The following JPH3 variants were observed in gnomAD, a reference collection of about 807,000 sequenced individuals.
The protein encoded by JPH3 is junctophilin-3.
A neutral mutation model predicts 59.6 loss-of-function variants in JPH3; 11 were observed. The observed-to-expected ratio is 0.18, with a 90% CI of 0.12 to 0.31. The LOEUF (loss-of-function observed/expected upper bound fraction) is 0.31. Among genes scored for constraint, JPH3 ranks in the 10% least tolerant of loss-of-function variants. The probability of loss-of-function intolerance (pLI) is 1.00; values close to 1 mark genes in which losing one functional copy is unlikely to be tolerated. For synonymous variants in JPH3, 673 were observed against 483.6 expected (o/e 1.39, Z -5.14); for missense variants, 1,202 against 1,105.7 (o/e 1.09, Z -1.24).
intron 4 of JPH3, chr16:87,695,798 G>A (rs748085304): frequency 3.5e-5 from 16 of 455,960 alleles, no homozygotes; most frequent in Admixed American, 1.4e-4. Flanking sequence ...GGGCGCCCCC[G>A]GAAAAGGCTC....
Position 87,636,115 on chromosome 16 carries a change from C to T in JPH3, c.383-8143C>T, listed in dbSNP as rs1480864073. Among the ~76,000 whole-genome samples the T allele has an allele frequency of 3.3e-5, 5 of 152,216 alleles. 1 individual carries two copies. In the East Asian group the frequency reaches 7.7e-4, roughly 23 times the overall value. ...GGGTCCTGTCTTCATGCACACAAGCCGCCTGTTCTGCAGGTGACCAGTTAG... is the reference window on the plus strand; with the variant it reads ...GGGTCCTGTCTTCATGCACACAAGCTGCCTGTTCTGCAGGTGACCAGTTAG... On this transcript the variant is annotated intron_variant, in intron 1 of 4. Transcript: ENST00000284262.
At chr16:87,648,253 GA>G (rs562324188) in intron 2 of JPH3, among the ~76,000 whole-genome samples, 1 of 151,934 alleles carries the variant, frequency 6.6e-6, no homozygotes, top group Non-Finnish European at 1.5e-5. Context: ...AAAAAAAAAG[GA>G]AAAAAAGGAG....
intron 1 of JPH3, among the ~76,000 whole-genome samples, chr16:87,636,013 C>A (rs1017005340): frequency 6.6e-6 from 1 of 152,214 alleles, no homozygotes; most frequent in Non-Finnish European, 1.5e-5. Context: ...CTCTGGGGGC[C>A]GTGCTGACCG....
At chr16:87,644,178 C>T in intron 1 of JPH3, 80 bp from the exon 2 acceptor site, 1 of 1,413,326 alleles carries the variant, frequency 7.1e-7, no homozygotes, top group Non-Finnish European at 9.6e-7. Context: ...AGGACTGTGG[C>T]TGCTTCAACC....
intron 1 of JPH3, among the ~76,000 whole-genome samples, chr16:87,635,840 G>C (rs796661539): frequency 6.6e-6 from 1 of 152,218 alleles, no homozygotes; most frequent in South Asian, 2.1e-4. Flanking sequence ...CTGCAGCAGA[G>C]CCGGGGGCTC....
rs878872352 is a variant in JPH3 at position 87,644,416 on chromosome 16, G to A, written c.541G>A (p.Ala181Thr). 8.1e-6 allele frequency: 13 copies of A among 1,612,130 alleles called. No homozygotes were observed. The highest frequency in any genetic ancestry group is 2.2e-5 in the East Asian group (1 of 44,856). The change falls in exon 2 of 5, where the codon GCC (alanine) becomes ACC (threonine). Residue 181 changes from alanine (A) to threonine (T), a missense_variant. Ala to Thr is a moderately conservative substitution (Grantham distance 58). Coordinates refer to ENST00000284262, the MANE Select transcript of JPH3 (RefSeq NM_020655.4). ...HTNGTALHPD[A>T]SPAVAGSPAV... ...CAACGGCACGGCGCTGCATCCCGACGCCTCTCCGGCGGTGGCCGGCAGCCC... is the reference window on the plus strand; with the variant it reads ...CAACGGCACGGCGCTGCATCCCGACACCTCTCCGGCGGTGGCCGGCAGCCC...
intron 2 of JPH3, among the ~76,000 whole-genome samples, chr16:87,667,620 G>A (rs959841126): frequency 6.6e-6 from 1 of 152,198 alleles, no homozygotes; most frequent in East Asian, 1.9e-4. Context: ...GTCCTCACCT[G>A]TGACAGCGGG....
intron 2 of JPH3, among the ~76,000 whole-genome samples, chr16:87,683,522 T>C (rs1597288706): frequency 1.3e-5 from 2 of 152,122 alleles, no homozygotes. Context: ...TGCAGGCTGG[T>C]CTTGAACTCC....
intron 2 of JPH3, among the ~76,000 whole-genome samples, chr16:87,677,281 G>A (rs2033176389): frequency 6.6e-6 from 1 of 150,536 alleles, no homozygotes; most frequent in Non-Finnish European, 1.5e-5. Flanking sequence ...CACGTGGGAG[G>A]CTGAGGCAGA....
chr16:87,660,855 A>C (rs974074768), intron 2 of JPH3, among the ~76,000 whole-genome samples: 2 of 152,188 alleles, frequency 1.3e-5, no homozygotes, highest in African/African-American at 4.8e-5. Flanking sequence ...GACACATCCA[A>C]GTGGATCTCT....
intron 2 of JPH3, among the ~76,000 whole-genome samples, chr16:87,663,178 G>A (rs60504449): frequency 0.072 from 10,788 of 150,616 alleles, 1,328 homozygotes; most frequent in African/African-American, 0.25. Flanking sequence ...GCACAATCTC[G>A]GCTCACTGCA....
chr16:87,664,119 C>T (rs1004268922), intron 2 of JPH3, among the ~76,000 whole-genome samples: 4 of 149,186 alleles, frequency 2.7e-5, no homozygotes, highest in African/African-American at 9.9e-5. Flanking sequence ...ATCACGAGGT[C>T]AGCAGATTGA....
chr16:87,606,134 T>A (rs1274411813), intron 1 of JPH3, among the ~76,000 whole-genome samples: 1 of 152,140 alleles, frequency 6.6e-6, no homozygotes, highest in African/African-American at 2.4e-5. Context: ...GGCAGAGACC[T>A]CCATGCCTCC....
In JPH3 at chr16:87,612,432, T is replaced by G. The variant is rs2030764073; in HGVS notation, c.382+8904T>G. 2.6e-5 allele frequency among the ~76,000 whole-genome samples: 4 copies of G among 152,276 alleles called. No individual in the cohort carries two copies. In the South Asian group the frequency reaches 8.3e-4, roughly 32 times the overall value. On this transcript the variant is annotated intron_variant, in intron 1 of 4. Coordinates refer to ENST00000284262, the MANE Select transcript of JPH3 (RefSeq NM_020655.4). ...CAACTTTTTTACAGGATTACAGGTG[T>G]GAGCAACTGCACCTGGCCTGAGATT...
chr16:87,604,026 T>G, intron 1 of JPH3: 1 of 935,230 alleles, frequency 1.1e-6, no homozygotes, highest in Non-Finnish European at 1.3e-6. Context: ...AAGGGAGTGA[T>G]GGGGAGCGCT....
rs1224169941 is a variant in JPH3, at chr16:87,665,777, CCCA to C, written c.1161-18364_1161-18362del. The stretch of plus-strand genomic sequence containing the variant: ...CGTCAGACCCAGCCTCCTTCCCCAG[CCCA>C]TCCCTCTCCCTCTTTGATGAGGCCG... On this transcript the variant is annotated intron_variant, in intron 2 of 4. Coordinates refer to ENST00000284262, the MANE Select transcript of JPH3 (RefSeq NM_020655.4). 8.5e-5 allele frequency among the ~76,000 whole-genome samples: 13 copies of C among 152,356 alleles called. No homozygotes were observed. The East Asian group carries it at 2.3e-3, about 27-fold the overall frequency.
rs1403567656 is a variant in JPH3, at chr16:87,690,083, C to G, written c.1723C>G (p.Arg575Gly). The change falls in exon 4 of 5, where the codon CGG (arginine) becomes GGG (glycine). Residue 575 changes from arginine (R) to glycine (G), a missense_variant. Arg to Gly is a moderately radical substitution (Grantham distance 125). Transcript: ENST00000284262. Reference protein sequence around the residue: ...QPGNPKPRERRTESPPVFTWT... With the variant: ...QPGNPKPRERGTESPPVFTWT... ...CGGGAACCCCAAGCCGCGGGAGCGG[C>G]GGACGGAGTCACCCCCCGTGTTCAC... 1.9e-6 allele frequency: 3 copies of G among 1,574,000 alleles called. No homozygotes were observed. The highest frequency in any genetic ancestry group is 2.3e-5 in the South Asian group (2 of 86,468).
intron 2 of JPH3, among the ~76,000 whole-genome samples, chr16:87,677,586 T>G (rs887695871): frequency 2.0e-5 from 3 of 152,142 alleles, no homozygotes; most frequent in African/African-American, 7.2e-5. Context: ...GCCCAGAGAT[T>G]ATGCAGCCTG....
Position 87,644,161 on chromosome 16 carries a change from C to G in JPH3, c.383-97C>G, listed in dbSNP as rs1230007938. 3.9e-6 allele frequency: 5 copies of G among 1,291,978 alleles called. No individual in the cohort carries two copies. In the East Asian group the frequency reaches 9.3e-5, roughly 24 times the overall value. The allele number at this position is 1,291,978 out of a possible 1,614,324, so 80.0% of individuals were successfully genotyped here. On this transcript the variant is annotated intron_variant, in intron 1 of 4. Transcript: ENST00000284262. ...TCAAAAAACACAAAACAACAGGAAG[C>G]TCAGACAGGACTGTGGCTGCTTCAA...
Sources: gnomAD v4.1 joint callset for allele counts (sites outside exome capture counted in the v4.1 genomes callset) on GRCh38, gnomAD v4.1.1 for gene constraint, MANE v1.5 for transcripts, NCBI Gene and HGNC (gene_info 2026-07-23, HGNC 2026-07-21) for gene names.